Variants in CHMP4A observed in about 807,000 individuals in gnomAD.
CHMP4A encodes the protein SNF7 homolog associated with Alix-2.
In CHMP4A, 29 loss-of-function variants were observed where a neutral mutation model predicts 28.2. The ratio of observed to expected loss-of-function variants is 1.03; its 90% CI spans 0.77 to 1.40. The LOEUF is 1.40. Ranked by LOEUF, CHMP4A falls within the 40% of genes most tolerant of loss-of-function variation. The pLI, the probability that CHMP4A is intolerant of heterozygous loss-of-function variation, is 0.00. For synonymous variants in CHMP4A, 88 were observed against 99.3 expected (o/e 0.89, Z 0.67); for missense variants, 241 against 263.5 (o/e 0.91, Z 0.59).
At chr14:24,210,025 T>G in intron 5 of CHMP4A, 90 bp from the exon 6 acceptor site, 2 of 1,205,958 alleles carry the variant, frequency 1.7e-6, no homozygotes, top group Non-Finnish European at 2.5e-6. Context: ...ATTCAGAGCC[T>G]GCTGAATTCT....
rs749360328 is a variant in CHMP4A, at chr14:24,209,935, G to C, written c.611C>G (p.Ala204Gly). Residue 204 changes from alanine to glycine, a missense_variant and splice_region_variant, in exon 6 of 6, where the codon GCT becomes GGT. Coordinates refer to ENST00000347519, the MANE Select transcript of CHMP4A (RefSeq NM_014169.5). ...TTCTTCATCTTCATCCACTTTGGGA[G>C]CTTTGAGGACAAAGATACCCAGAGA... ...VPSTHLPAGP[A>G]PKVDEDEEAL... 1 of 1,613,808 alleles carries C rather than the reference G, an allele frequency of 6.2e-7. No individual in the cohort carries two copies. Among genetic ancestry groups the C allele is most frequent in the Admixed American group, 1.7e-5 (1 of 59,998 alleles).
At chr14:24,211,900 A>G in intron 1 of CHMP4A, 71 bp from the exon 2 acceptor site, 1 of 1,385,764 alleles carries the variant, frequency 7.2e-7, no homozygotes, top group Non-Finnish European at 9.9e-7. Flanking sequence ...TTGAATACAT[A>G]GTATGTGCTA....
Position 24,210,709 on chromosome 14 carries a change from TG to T in CHMP4A, c.418del (p.Gln140SerfsTer26). On this transcript the variant is annotated frameshift_variant, in exon 4 of 6. Transcript: ENST00000347519. LOFTEE classifies it high-confidence loss of function. ...TDITEQQEVA[Q>X]QISDAISRPM... ...CCGAGAAATGGCATCTGAGATCTGCTGGGCCACCTCCTGTTGTTCCGTGATG... is the reference window on the plus strand; with the variant it reads ...CCGAGAAATGGCATCTGAGATCTGCTGGCCACCTCCTGTTGTTCCGTGATG... 3 of 1,614,190 alleles carry T rather than the reference TG, an allele frequency of 1.9e-6. No individual in the cohort carries two copies. The highest frequency in any genetic ancestry group is 2.5e-6 in the Non-Finnish European group (3 of 1,180,032).
At chr14:24,211,169 G>C (rs1474850085) in intron 3 of CHMP4A, 7 of 478,804 alleles carry the variant, frequency 1.5e-5, no homozygotes, top group Non-Finnish European at 2.6e-5. Flanking sequence ...GGGCGACAGA[G>C]CAAGACTCCA....
chr14:24,213,453 C>T lies in CHMP4A; in HGVS notation c.-14G>A, dbSNP rs1223872190. 6.2e-7 allele frequency: 1 copy of T among 1,612,476 alleles called. No homozygotes were observed. Among genetic ancestry groups the T allele is most frequent in the East Asian group, 2.2e-5 (1 of 44,746 alleles). On this transcript the variant is annotated 5_prime_UTR_variant, in exon 1 of 6. Transcript: ENST00000347519. ...GAGACCACTCATCGCGAGCTCGCCT[C>T]TCCCGCCTCCGCCCCTCAGCGTCCT...
In CHMP4A at chr14:24,211,589, G is replaced by A. The variant is rs2039591522; in HGVS notation, c.185C>T (p.Ala62Val). The A allele has an allele frequency of 6.2e-7, 1 of 1,611,800 alleles. No homozygotes were observed. Among genetic ancestry groups the A allele is most frequent in the South Asian group, 1.1e-5 (1 of 91,060 alleles). The change falls in exon 3 of 6, where the codon GCC (alanine) becomes GTC (valine). Residue 62 changes from alanine (A) to valine (V), a missense_variant. Ala to Val is a moderately conservative substitution (Grantham distance 64). Coordinates refer to ENST00000347519, the MANE Select transcript of CHMP4A (RefSeq NM_014169.5). ...TTTCTTCCTCCGCAAAGCCTGTAGG[G>A]CAGCTGACCCAGCCCATACCCTGAA... ...KKYGTKNKRA[A>V]LQALRRKKRF...
chr14:24,211,269 T>C, intron 3 of CHMP4A, 146 bp downstream of exon 3: 3 of 673,106 alleles, frequency 4.5e-6, no homozygotes, highest in East Asian at 2.8e-5. Context: ...AAGAATTTTA[T>C]AGGAAGCAAG....
intron 3 of CHMP4A, 51 bp from the exon 4 acceptor site, chr14:24,210,819 T>G: frequency 7.4e-7 from 1 of 1,353,944 alleles, no homozygotes; most frequent in Non-Finnish European, 1.1e-6. Context: ...CCCCCTTGAC[T>G]TTCTCATCTC....
chr14:24,210,567 A>G, intron 4 of CHMP4A, 84 bp from the exon 5 acceptor site: 2 of 1,596,146 alleles, frequency 1.3e-6, no homozygotes, highest in Non-Finnish European at 1.7e-6. Flanking sequence ...TTCCCTCCCA[A>G]ACTTGTCCCA....
In CHMP4A at chr14:24,211,531, C is replaced by A. The variant is rs148036845; in HGVS notation, c.243G>T (p.Gly81=). The change falls in exon 3 of 6, where the codon GGG becomes GGT. Residue 81 remains glycine (G), a synonymous_variant. Transcript: ENST00000347519. ...RFEQQLAQTD[G]TLSTLEFQRE... ...GCTGAAACTCCAGGGTGGATAATGT[C>A]CCGTCAGTTTGTGCCAGCTGCTGTT... 142 of 1,614,082 alleles carry A rather than the reference C, an allele frequency of 8.8e-5. 1 individual carries two copies. In the African/African-American group the frequency reaches 1.8e-3, roughly 20 times the overall value.
Position 24,213,413 on chromosome 14 carries a change from C to A in CHMP4A, c.27G>T (p.Gly9=). ...GCCAGTCCCACCCTGGCTCACCCTT[C>A]CCGAAGAGCCTGCCGAGACCACTCA... The part of the protein sequence containing the change: MSGLGRLF[G]KGKKEKGPTP... The change falls in exon 1 of 6, where the codon GGG becomes GGT. Residue 9 remains glycine (G), a synonymous_variant. Transcript: ENST00000347519. 1.2e-6 allele frequency: 2 copies of A among 1,603,308 alleles called. No individual in the cohort carries two copies. Among genetic ancestry groups the A allele is most frequent in the Non-Finnish European group, 8.5e-7 (1 of 1,176,850 alleles).
chr14:24,210,817 A>T (rs745565324), intron 3 of CHMP4A, 49 bp from the exon 4 acceptor site: 1 of 1,369,654 alleles, frequency 7.3e-7, no homozygotes, highest in South Asian at 1.2e-5. Flanking sequence ...TGCCCCCTTG[A>T]CTTTCTCATC....
chr14:24,210,028 TG>T (rs1450198608), intron 5 of CHMP4A, 93 bp from the exon 6 acceptor site: 2 of 1,217,310 alleles, frequency 1.6e-6, no homozygotes, highest in Non-Finnish European at 2.4e-6. Flanking sequence ...CAGAGCCTGC[TG>T]AATTCTGTCT....
At chr14:24,211,386 G>A (rs1317475862) in intron 3 of CHMP4A, 29 bp downstream of exon 3, 1 of 1,573,964 alleles carries the variant, frequency 6.4e-7, no homozygotes, top group Non-Finnish European at 8.7e-7. Flanking sequence ...CAGTGCCTGG[G>A]TCCCCTCCAC....
At chr14:24,213,337 A>G in intron 1 of CHMP4A, 72 bp downstream of exon 1, 1 of 1,449,282 alleles carries the variant, frequency 6.9e-7, no homozygotes, top group South Asian at 1.5e-5. Context: ...GGTCCGGCCG[A>G]ATCTCGCCGG....
In CHMP4A at chr14:24,211,408, T is replaced by A; in HGVS notation, c.359+7A>T. On this transcript the variant is annotated splice_region_variant and intron_variant, in intron 3 of 5. Coordinates refer to ENST00000347519, the MANE Select transcript of CHMP4A (RefSeq NM_014169.5). ...TGGGTCCCCTCCACCCCTCCCCCCG[T>A]ACCCACATGTCCTGGTAGGCCTTCT... 1 of 1,595,880 alleles carries A rather than the reference T, an allele frequency of 6.3e-7. No individual in the cohort carries two copies.
intron 3 of CHMP4A, 58 bp from the exon 4 acceptor site, chr14:24,210,826 T>C (rs1326981191): frequency 7.7e-7 from 1 of 1,291,364 alleles, no homozygotes; most frequent in Non-Finnish European, 1.1e-6. Context: ...GACTTTCTCA[T>C]CTCACATGAA....
intron 1 of CHMP4A, chr14:24,212,722 A>T (rs1465900458): frequency 7.2e-5 from 11 of 151,868 alleles, no homozygotes; most frequent in Admixed American, 1.4e-4. Context: ...CAACCAGCTA[A>T]TTTTTTTTTT....
At chr14:24,211,339 C>T in intron 3 of CHMP4A, 76 bp downstream of exon 3, 1 of 1,290,504 alleles carries the variant, frequency 7.7e-7, no homozygotes, top group South Asian at 1.4e-5. Flanking sequence ...TTCTGAGAGG[C>T]TTTAAAGTTT....
Sources: gnomAD v4.1 joint callset for allele counts on GRCh38, gnomAD v4.1.1 for gene constraint, MANE v1.5 for transcripts, NCBI Gene and HGNC (gene_info 2026-07-23, HGNC 2026-07-21) for gene names.